ELAPOR2: variants seen among roughly 807,000 people sequenced by gnomAD.
The protein encoded by ELAPOR2 is endosome-lysosome associated apoptosis and autophagy regulator family member 2.
Under a neutral mutation model 120.7 loss-of-function variants are expected in ELAPOR2, and 89 were observed. The ratio of observed to expected loss-of-function variants is 0.74; its 90% CI spans 0.62 to 0.88. ELAPOR2 has a LOEUF of 0.88. Among genes scored for constraint, ELAPOR2 ranks in the 40% least tolerant of loss-of-function variants. ELAPOR2 has a pLI of 0.00. For synonymous variants in ELAPOR2, 444 were observed against 444.9 expected, an observed-to-expected ratio of 1.00 and a Z score of 0.03; for missense variants, 1,134 against 1,251.6, an observed-to-expected ratio of 0.91 and a Z score of 1.42.
intron 1 of ELAPOR2, among the ~76,000 whole-genome samples, chr7:87,008,304 C>A (rs552915883): frequency 6.6e-6 from 1 of 152,168 alleles, no homozygotes; most frequent in Admixed American, 6.5e-5. Context: ...GTATCAACAT[C>A]AAGAAAGACG....
chr7:86,906,553 A>G (rs1789025064), intron 18 of ELAPOR2, among the ~76,000 whole-genome samples: 1 of 152,152 alleles, frequency 6.6e-6, no homozygotes, highest in South Asian at 2.1e-4. Context: ...CTGATTTCCA[A>G]TCCTGATGTG....
chr7:86,883,988 G>T (rs1249606089), intron 21 of ELAPOR2, among the ~76,000 whole-genome samples: 1 of 152,116 alleles, frequency 6.6e-6, no homozygotes, highest in African/African-American at 2.4e-5. Context: ...CCGAACAACA[G>T]AAAAGAATAT....
At chr7:86,943,813 G>A (rs1406857082) in intron 4 of ELAPOR2, among the ~76,000 whole-genome samples, 2 of 152,064 alleles carry the variant, frequency 1.3e-5, no homozygotes, top group Non-Finnish European at 2.9e-5. Flanking sequence ...CTGTTTGAAT[G>A]TTGCTTAACA....
intron 21 of ELAPOR2, among the ~76,000 whole-genome samples, chr7:86,890,282 G>A (rs781476880): frequency 1.3e-5 from 2 of 151,786 alleles, no homozygotes; most frequent in Non-Finnish European, 2.9e-5. Context: ...GGAATATAAA[G>A]ATATATTGTC....
intron 1 of ELAPOR2, among the ~76,000 whole-genome samples, chr7:87,012,182 T>C (rs934104994): frequency 2.6e-5 from 4 of 152,078 alleles, no homozygotes; most frequent in African/African-American, 4.8e-5. Context: ...GAGGCCAAGG[T>C]GGGCAGATCA....
In ELAPOR2 at chr7:86,879,612, T is replaced by G. The variant is rs1467251900; in HGVS notation, c.*859A>C. On this transcript the variant is annotated 3_prime_UTR_variant, in exon 22 of 22. Transcript: ENST00000450689. ...TGTACTTATAGACAAACCTTCTCAC[T>G]CTCTTCTTCATGATTTTGCCAGTGA... 6.6e-6 allele frequency: 1 copy of G among 152,152 alleles called. No homozygotes were observed. Among genetic ancestry groups the G allele is most frequent in the Non-Finnish European group, 1.5e-5 (1 of 68,016 alleles). The allele number at this position is 152,152 out of a possible 1,614,324, so 9.4% of individuals were successfully genotyped here. A position where few individuals can be genotyped will look rare whatever the true frequency, so the allele number is the denominator to read the frequency against.
chr7:86,976,820 A>T (rs893040992), intron 1 of ELAPOR2, among the ~76,000 whole-genome samples: 2 of 152,234 alleles, frequency 1.3e-5, no homozygotes, highest in Non-Finnish European at 2.9e-5. Flanking sequence ...AATGCTCCAG[A>T]GAAAAGACAA....
At chr7:86,909,584 A>G (rs1789197197) in intron 16 of ELAPOR2, among the ~76,000 whole-genome samples, 1 of 152,122 alleles carries the variant, frequency 6.6e-6, no homozygotes, top group African/African-American at 2.4e-5. Context: ...AGACCCTCAG[A>G]AAATGTCATA....
chr7:86,936,330 G>C (rs1465772180), intron 8 of ELAPOR2, among the ~76,000 whole-genome samples: 1 of 152,002 alleles, frequency 6.6e-6, no homozygotes, highest in Non-Finnish European at 1.5e-5. Context: ...CAATCCTCAT[G>C]CCTCAGCCTC....
intron 2 of ELAPOR2, among the ~76,000 whole-genome samples, chr7:86,953,779 T>C (rs896513695): frequency 2.6e-5 from 4 of 152,208 alleles, no homozygotes; most frequent in African/African-American, 9.6e-5. Context: ...CTCCAAAGTT[T>C]TTAATGAGAA....
At chr7:86,960,742 G>C (rs1791671035) in intron 2 of ELAPOR2, among the ~76,000 whole-genome samples, 1 of 151,940 alleles carries the variant, frequency 6.6e-6, no homozygotes, top group South Asian at 2.1e-4. Flanking sequence ...ATGTTGAGTT[G>C]ACCCTTTTAT....
intron 19 of ELAPOR2, among the ~76,000 whole-genome samples, chr7:86,895,934 T>G (rs748782313): frequency 6.6e-6 from 1 of 152,118 alleles, no homozygotes; most frequent in Non-Finnish European, 1.5e-5. Context: ...GCATTATCAT[T>G]ATTAAGAGGA....
chr7:86,974,314 A>G (rs1402178775), intron 1 of ELAPOR2, among the ~76,000 whole-genome samples: 1 of 152,148 alleles, frequency 6.6e-6, no homozygotes, highest in East Asian at 1.9e-4. Context: ...TATATTATAT[A>G]TACCCCGTGA....
intron 1 of ELAPOR2, among the ~76,000 whole-genome samples, chr7:87,020,954 C>A (rs1365472843): frequency 6.6e-6 from 1 of 151,984 alleles, no homozygotes; most frequent in Non-Finnish European, 1.5e-5. Flanking sequence ...ATAATAAAGT[C>A]TAACATTAAT....
At chr7:87,049,868 T>C (rs1584045654) in intron 1 of ELAPOR2, among the ~76,000 whole-genome samples, 1 of 152,050 alleles carries the variant, frequency 6.6e-6, no homozygotes, top group Non-Finnish European at 1.5e-5. Flanking sequence ...TGTTGGGAGG[T>C]GGGGCCTAAT....
intron 16 of ELAPOR2, 30 bp downstream of exon 16, chr7:86,909,782 G>A: frequency 6.6e-7 from 1 of 1,515,390 alleles, no homozygotes; most frequent in Non-Finnish European, 9.0e-7. Context: ...ATAAATGTAT[G>A]CATGCATATA....
At chr7:87,033,976 A>T (rs1368273566) in intron 1 of ELAPOR2, among the ~76,000 whole-genome samples, 1 of 152,230 alleles carries the variant, frequency 6.6e-6, no homozygotes, top group East Asian at 1.9e-4. Context: ...AAAACTGGTT[A>T]TTCAGGGAAC....
At chr7:87,008,503 T>C (rs1404801651) in intron 1 of ELAPOR2, among the ~76,000 whole-genome samples, 1 of 152,222 alleles carries the variant, frequency 6.6e-6, no homozygotes, top group Non-Finnish European at 1.5e-5. Flanking sequence ...ATTTTAATCA[T>C]TGTGCTATTG....
intron 1 of ELAPOR2, among the ~76,000 whole-genome samples, chr7:87,039,839 T>A (rs768115880): frequency 2.6e-5 from 4 of 152,320 alleles, no homozygotes; most frequent in African/African-American, 9.6e-5. Context: ...GGGTGATTTC[T>A]GCATTTCCAT....
Sources: allele counts gnomAD v4.1 joint callset (sites outside exome capture counted in the v4.1 genomes callset), GRCh38; gene constraint gnomAD v4.1.1; transcripts MANE v1.5; gene names NCBI Gene and HGNC (gene_info 2026-07-23, HGNC 2026-07-21).